RASSF6: variants seen among roughly 807,000 people sequenced by gnomAD.
RASSF6 encodes ras association domain-containing protein 6.
A neutral mutation model predicts 44.0 loss-of-function variants in RASSF6; 52 were observed. That is an observed-to-expected ratio of 1.18 (90% CI 0.95 to 1.49). The LOEUF is 1.49. Ranked by LOEUF, RASSF6 falls within the 40% of genes most tolerant of loss-of-function variation. RASSF6 has a pLI of 0.00. For missense variants in RASSF6, 464 were observed against 393.3 expected (o/e 1.18, Z -1.52); for synonymous variants, 162 against 124.6 (o/e 1.30, Z -2.00).
chr4:73,599,287 T>C (rs902071828), intron 2 of RASSF6, among the ~76,000 whole-genome samples: 1 of 152,164 alleles, frequency 6.6e-6, no homozygotes, highest in Non-Finnish European at 1.5e-5. Context: ...GCTGGCTGGG[T>C]GAAGCAACAG....
In RASSF6 at chr4:73,587,878, G is replaced by A. The variant is rs1578030890; in HGVS notation, c.344C>T (p.Thr115Ile). The change falls in exon 5 of 11, where the codon ACC (threonine) becomes ATC (isoleucine). Residue 115 changes from threonine (T) to isoleucine (I), a missense_variant. Coordinates refer to ENST00000307439, the MANE Select transcript of RASSF6 (RefSeq NM_177532.5). Reference protein sequence around the residue: ...DLYRISELDRTQIPMSEKRNS... With the variant: ...DLYRISELDRIQIPMSEKRNS... ...CCTTTTTTCAGACATAGGAATCTGG[G>A]TCCTGTCCAGCTCACTAATACGATA... The A allele has an allele frequency of 6.2e-7, 1 of 1,609,950 alleles. No homozygotes were observed. Among genetic ancestry groups the A allele is most frequent in the East Asian group, 2.2e-5 (1 of 44,748 alleles).
At chr4:73,584,104 A>G (rs1490263282) in intron 6 of RASSF6, among the ~76,000 whole-genome samples, 1 of 152,106 alleles carries the variant, frequency 6.6e-6, no homozygotes, top group East Asian at 1.9e-4. Flanking sequence ...TATCAATGCT[A>G]CTTTATAGCT....
chr4:73,612,493 TTTAAA>T (rs754790082), intron 1 of RASSF6, among the ~76,000 whole-genome samples: 1 of 12,998 alleles, frequency 7.7e-5, no homozygotes, highest in African/African-American at 1.1e-4. Context: ...TTTTTTTTTT[TTTAAA>T]AAAAAAAACG....
chr4:73,618,714 C>T (rs1182982668), intron 1 of RASSF6, among the ~76,000 whole-genome samples: 6 of 152,066 alleles, frequency 3.9e-5, no homozygotes. Flanking sequence ...TAATTGTAAG[C>T]ACACTGAAGA....
rs1271959539 is a variant in RASSF6, at chr4:73,593,530, T to C, written c.208A>G (p.Ile70Val). The part of the protein sequence containing the change: ...LDIFWGVKRP[I>V]QLKIQDEKPF... ...TTCTCATCTTGTATTTTTAGCTGTA[T>C]AGGTCGTTTTACTCCCCAGAAAATG... The change falls in exon 4 of 11, where the codon ATA becomes GTA. Residue 70 changes from isoleucine to valine, a missense_variant. Ile to Val is a conservative substitution (Grantham distance 29). Transcript: ENST00000307439. 1.9e-6 allele frequency: 3 copies of C among 1,613,714 alleles called. No individual in the cohort carries two copies. The highest frequency in any genetic ancestry group is 2.5e-6 in the Non-Finnish European group (3 of 1,179,804).
Position 73,576,391 on chromosome 4 carries a change from G to A in RASSF6, c.938+19C>T, listed in dbSNP as rs1723217985. 2.0e-6 allele frequency: 3 copies of A among 1,490,370 alleles called. No homozygotes were observed. The African/African-American group carries it at 4.2e-5, about 21-fold the overall frequency. 92.3% of individuals were successfully genotyped at this position (1,490,370 alleles called of 1,614,324 possible). On this transcript the variant is annotated intron_variant, in intron 10 of 10. Transcript: ENST00000307439. ...CATATTAAAGAACGGAGTATCCAAT[G>A]TGCATGCTCTTGACTTACTTTGTTA... is the stretch of plus-strand genomic sequence containing the variant.
chr4:73,598,724 A>T lies in RASSF6; in HGVS notation c.66-6T>A. On this transcript the variant is annotated splice_polypyrimidine_tract_variant and splice_region_variant and intron_variant, in intron 2 of 10. Coordinates refer to ENST00000307439, the MANE Select transcript of RASSF6 (RefSeq NM_177532.5). ...ATAAAGAATTAAGTTGTTCCCTAAA[A>T]ATAAAAAAAAATTAATTACAATCAG... 3 of 1,131,838 alleles carry T rather than the reference A, an allele frequency of 2.7e-6. No homozygotes were observed. Among genetic ancestry groups the T allele is most frequent in the Non-Finnish European group, 3.6e-6 (3 of 843,182 alleles). 70.1% of individuals were successfully genotyped at this position (1,131,838 alleles called of 1,614,324 possible).
chr4:73,602,591 T>TAAG (rs1553904620), intron 2 of RASSF6, among the ~76,000 whole-genome samples: 1 of 330 alleles, frequency 3.0e-3, no homozygotes, highest in Non-Finnish European at 8.1e-3. Flanking sequence ...AGGGTCCACC[T>TAAG]GTTACATGCG....
chr4:73,573,794 A>G lies in RASSF6; in HGVS notation c.*2441T>C, dbSNP rs1723042573. 1 of 152,166 alleles carries G rather than the reference A, an allele frequency of 6.6e-6. No individual in the cohort carries two copies. The highest frequency in any genetic ancestry group is 6.5e-5 in the Admixed American group (1 of 15,276). The allele number at this position is 152,166 out of a possible 1,614,324, so 9.4% of individuals were successfully genotyped here. A position where few individuals can be genotyped will look rare whatever the true frequency, so the allele number is the denominator to read the frequency against. ...TATTATTTTACTGTCTCTCAGCTCC[A>G]CATTCACTGTTGGTTGCCCGCTCCG... On this transcript the variant is annotated 3_prime_UTR_variant, in exon 11 of 11. Coordinates refer to ENST00000307439, the MANE Select transcript of RASSF6 (RefSeq NM_177532.5).
intron 3 of RASSF6, among the ~76,000 whole-genome samples, chr4:73,593,969 AC>A (rs769966513): frequency 1.7e-4 from 26 of 152,372 alleles, no homozygotes; most frequent in South Asian, 6.2e-4. Flanking sequence ...TTAGAAAAAA[AC>A]ATCTATTTAA....
At chr4:73,609,156 A>G (rs1239354264) in intron 2 of RASSF6, among the ~76,000 whole-genome samples, 1 of 152,210 alleles carries the variant, frequency 6.6e-6, no homozygotes, top group African/African-American at 2.4e-5. Context: ...TCTGAGAGTG[A>G]AATCTGGTTG....
rs189053977 is a variant in RASSF6 at position 73,609,534 on chromosome 4, A to T, written c.65+2197T>A. Among the ~76,000 whole-genome samples, 1,116 of 152,294 alleles carry T rather than the reference A, an allele frequency of 7.3e-3. 16 individuals carry two copies. The highest frequency in any genetic ancestry group is 0.025 in the African/African-American group (1,040 of 41,562). On this transcript the variant is annotated intron_variant, in intron 2 of 10. Transcript: ENST00000307439. Reference sequence around the variant, plus strand: ...AATATCAGGACCTCTTATTTTACTGATCATATGCAATCCTCATGAAATTTG... The same window carrying T: ...AATATCAGGACCTCTTATTTTACTGTTCATATGCAATCCTCATGAAATTTG...
At chr4:73,583,471 C>T (rs1219053983) in intron 6 of RASSF6, among the ~76,000 whole-genome samples, 2 of 152,020 alleles carry the variant, frequency 1.3e-5, no homozygotes, top group Non-Finnish European at 1.5e-5. Flanking sequence ...ACAATCTAAG[C>T]CTTTAATATG....
intron 6 of RASSF6, among the ~76,000 whole-genome samples, chr4:73,584,230 A>C (rs1476624711): frequency 2.6e-5 from 4 of 152,118 alleles, no homozygotes; most frequent in Admixed American, 6.6e-5. Context: ...GTAGAAGAAG[A>C]AGAAATAAAG....
At position 73,576,735 on chromosome 4, in the gene RASSF6, C is replaced by T. The variant is rs1244534055; in HGVS notation, c.722-4G>A. ...GTCTTCTTTAGTCGTCTTTGTTCTGCAGTGAAAACAAGAATCAACCACAAT... is the reference window on the plus strand; with the variant it reads ...GTCTTCTTTAGTCGTCTTTGTTCTGTAGTGAAAACAAGAATCAACCACAAT... On this transcript the variant is annotated splice_region_variant and splice_polypyrimidine_tract_variant and intron_variant, in intron 8 of 10. Transcript: ENST00000307439. The T allele has an allele frequency of 2.6e-6, 4 of 1,533,248 alleles. No homozygotes were observed. The highest frequency in any genetic ancestry group is 3.6e-6 in the Non-Finnish European group (4 of 1,115,276). 95.0% of individuals were successfully genotyped at this position (1,533,248 alleles called of 1,614,324 possible).
chr4:73,593,178 G>A, intron 4 of RASSF6, among the ~76,000 whole-genome samples: 1 of 152,218 alleles, frequency 6.6e-6, no homozygotes, highest in Non-Finnish European at 1.5e-5. Context: ...ACCACGCCCA[G>A]CTAATTTTTG....
chr4:73,576,846 G>A, intron 8 of RASSF6, 115 bp from the exon 9 acceptor site: 2 of 649,218 alleles, frequency 3.1e-6, no homozygotes, highest in Non-Finnish European at 5.4e-6. Context: ...AATAACACCT[G>A]CAACAGGAGG....
At chr4:73,584,967 A>T (rs139535429) in intron 6 of RASSF6, among the ~76,000 whole-genome samples, 110 of 152,250 alleles carry the variant, frequency 7.2e-4, no homozygotes, top group African/African-American at 2.6e-3. Flanking sequence ...TACCTATTTC[A>T]TAGGATTGTT....
intron 8 of RASSF6, among the ~76,000 whole-genome samples, chr4:73,580,559 GC>G (rs1164382931): frequency 2.7e-5 from 4 of 149,980 alleles, no homozygotes; most frequent in Non-Finnish European, 4.5e-5. Flanking sequence ...TTTAATGATT[GC>G]CATTCTAACT....
Sources: gnomAD v4.1 joint callset for allele counts (sites outside exome capture counted in the v4.1 genomes callset) on GRCh38, gnomAD v4.1.1 for gene constraint, MANE v1.5 for transcripts, NCBI Gene and HGNC (gene_info 2026-07-23, HGNC 2026-07-21) for gene names.